The following CNTRL variants were observed in gnomAD, a reference collection of about 807,000 sequenced individuals.
CNTRL encodes the protein centriolin.
In CNTRL, 233 loss-of-function variants were observed where a neutral mutation model predicts 303.7. The ratio of observed to expected loss-of-function variants is 0.77; its 90% CI spans 0.69 to 0.86. The LOEUF is 0.86. Ranked by LOEUF, CNTRL falls within the 40% of genes least tolerant of loss-of-function variation. CNTRL has a pLI of 0.00. For missense variants in CNTRL, 2,524 were observed against 2,650.6 expected (o/e 0.95, Z 1.05); for synonymous variants, 900 against 922.2 (o/e 0.98, Z 0.44).
At chr9:121,154,137 G>T (rs779947519) in intron 26 of CNTRL, among the ~76,000 whole-genome samples, 1 of 152,144 alleles carries the variant, frequency 6.6e-6, no homozygotes, top group Non-Finnish European at 1.5e-5. Flanking sequence ...AAGATAATCT[G>T]TTAAATGTTG....
intron 30 of CNTRL, 80 bp downstream of exon 30, chr9:121,158,189 A>G: frequency 6.6e-7 from 1 of 1,504,044 alleles, no homozygotes; most frequent in Middle Eastern, 2.3e-4. Context: ...AATTGTAGAA[A>G]AGAATAAATG....
Position 121,156,926 on chromosome 9 carries a change from C to T in CNTRL, c.4366-544C>T, listed in dbSNP as rs561311998. On this transcript the variant is annotated intron_variant, in intron 27 of 43. Coordinates refer to ENST00000373855, the MANE Select transcript of CNTRL (RefSeq NM_007018.6). The stretch of plus-strand genomic sequence containing the variant: ...GCAAGAATTTCTGTGTGGAGGAAAT[C>T]TTGGTAAAATCACTTCCTTCCCACT... Among the ~76,000 whole-genome samples, 147 of 152,258 alleles carry T rather than the reference C, an allele frequency of 9.7e-4. 1 individual carries two copies. The highest frequency in any genetic ancestry group is 3.3e-3 in the South Asian group (16 of 4,826).
At chr9:121,166,230 C>T in intron 36 of CNTRL, 50 bp downstream of exon 36, 1 of 1,321,598 alleles carries the variant, frequency 7.6e-7, no homozygotes. Flanking sequence ...GGTATGCAGA[C>T]CATTGGTTTA....
At chr9:121,176,932 A>ATT (rs3838266) in intron 43 of CNTRL, among the ~76,000 whole-genome samples, 12 of 151,582 alleles carry the variant, frequency 7.9e-5, no homozygotes, top group South Asian at 2.1e-4. Flanking sequence ...GATGTTACAG[A>ATT]TTTTTTTTTA....
intron 8 of CNTRL, among the ~76,000 whole-genome samples, chr9:121,108,435 A>G (rs2049585981): frequency 6.6e-6 from 1 of 152,148 alleles, no homozygotes; most frequent in African/African-American, 2.4e-5. Flanking sequence ...AGACCTTAAG[A>G]CTTTCCACTA....
At chr9:121,159,862 A>G (rs1214742912) in intron 31 of CNTRL, among the ~76,000 whole-genome samples, 1 of 152,140 alleles carries the variant, frequency 6.6e-6, no homozygotes, top group Non-Finnish European at 1.5e-5. Flanking sequence ...GCCCCTCCAG[A>G]GCAGGAGCCA....
chr9:121,158,028 G>A lies in CNTRL; in HGVS notation c.4683G>A (p.Glu1561=), dbSNP rs930228906. 4 of 1,613,976 alleles carry A rather than the reference G, an allele frequency of 2.5e-6. No individual in the cohort carries two copies. Among genetic ancestry groups the A allele is most frequent in the Non-Finnish European group, 3.4e-6 (4 of 1,180,030 alleles). The change falls in exon 30 of 44, where the codon GAG becomes GAA. Residue 1561 remains glutamate, a synonymous_variant. Coordinates refer to ENST00000373855, the MANE Select transcript of CNTRL (RefSeq NM_007018.6). The part of the protein sequence containing the change: ...QKDIEMAERN[E]DHHLQVLKES... ...ACATAGAGATGGCAGAACGCAATGA[G>A]GATCACCACCTGCAGGTCCTTAAAG...
rs1299037062 is a variant in CNTRL, at chr9:121,164,419, T to C, written c.5424-524T>C. On this transcript the variant is annotated intron_variant, in intron 34 of 43. Coordinates refer to ENST00000373855, the MANE Select transcript of CNTRL (RefSeq NM_007018.6). Reference sequence around the variant, plus strand: ...CCCAAATTGTCTATCACCTGGTAAATAGATAAACAAATTGTGGTATATCCA... The same window carrying C: ...CCCAAATTGTCTATCACCTGGTAAACAGATAAACAAATTGTGGTATATCCA... Among the ~76,000 whole-genome samples, 6 of 152,162 alleles carry C rather than the reference T, an allele frequency of 3.9e-5. No homozygotes were observed. The East Asian group carries it at 7.7e-4, about 20-fold the overall frequency.
At chr9:121,153,714 A>AG (rs758035447) in intron 26 of CNTRL, among the ~76,000 whole-genome samples, 1 of 152,244 alleles carries the variant, frequency 6.6e-6, no homozygotes, top group African/African-American at 2.4e-5. Flanking sequence ...CTTTTGCAGT[A>AG]GTCCATGAAT....
rs569922426 is a variant in CNTRL, at chr9:121,141,234, G to T, written c.2484-147G>T. The T allele has an allele frequency of 6.6e-5, 42 of 631,722 alleles. No individual in the cohort carries two copies. The South Asian group carries it at 8.2e-4, about 12-fold the overall frequency. The allele number at this position is 631,722 out of a possible 1,614,324, so 39.1% of individuals were successfully genotyped here. ...GTCATTTGATAAAGCAATAATTTGC[G>T]CTTAGGAGATGGTCAGTAAATTGCT... is the stretch of plus-strand genomic sequence containing the variant. On this transcript the variant is annotated intron_variant, in intron 17 of 43. Coordinates refer to ENST00000373855, the MANE Select transcript of CNTRL (RefSeq NM_007018.6).
chr9:121,177,240 G>T lies in CNTRL; in HGVS notation c.*54G>T. ...AGGAAAACACCTCCACTACCTCACT[G>T]ACTTCATAATTGGAATGTCACATGG... On this transcript the variant is annotated 3_prime_UTR_variant, in exon 44 of 44. Coordinates refer to ENST00000373855, the MANE Select transcript of CNTRL (RefSeq NM_007018.6). 1 of 1,432,670 alleles carries T rather than the reference G, an allele frequency of 7.0e-7. No individual in the cohort carries two copies. Among genetic ancestry groups the T allele is most frequent in the Admixed American group, 1.8e-5 (1 of 55,410 alleles). The allele number at this position is 1,432,670 out of a possible 1,614,324, so 88.7% of individuals were successfully genotyped here.
chr9:121,123,308 G>A (rs1588164685), intron 12 of CNTRL, among the ~76,000 whole-genome samples: 2 of 152,200 alleles, frequency 1.3e-5, no homozygotes, highest in South Asian at 4.1e-4. Flanking sequence ...GGCTGGGCAC[G>A]GTGGCTCATG....
chr9:121,095,586 T>C (rs1000838033), intron 5 of CNTRL, among the ~76,000 whole-genome samples: 6 of 152,202 alleles, frequency 3.9e-5, no homozygotes, highest in African/African-American at 1.4e-4. Context: ...AATATCTGCA[T>C]GCTTTTCCCC....
chr9:121,172,398 T>C (rs373027936), intron 40 of CNTRL, among the ~76,000 whole-genome samples: 1 of 152,258 alleles, frequency 6.6e-6, no homozygotes, highest in Admixed American at 6.5e-5. Flanking sequence ...CCCAGCACTT[T>C]AGGAGGCCAA....
chr9:121,090,864 A>G (rs1213621212), intron 4 of CNTRL, among the ~76,000 whole-genome samples: 1 of 152,222 alleles, frequency 6.6e-6, no homozygotes, highest in Admixed American at 6.5e-5. Flanking sequence ...GGCAATTTAC[A>G]AAAGAAAGAG....
At chr9:121,151,659 G>A (rs1164391046) in intron 25 of CNTRL, among the ~76,000 whole-genome samples, 1 of 152,050 alleles carries the variant, frequency 6.6e-6, no homozygotes, top group Non-Finnish European at 1.5e-5. Context: ...CCAAAGTGCT[G>A]GGATTACAGG....
At chr9:121,095,070 G>A (rs1261863338) in intron 5 of CNTRL, 52 bp downstream of exon 5, 3 of 1,410,416 alleles carry the variant, frequency 2.1e-6, no homozygotes, top group South Asian at 1.3e-5. Context: ...CTTTGTTAGA[G>A]AGGTAGATTA....
At chr9:121,127,442 T>A (rs778716527) in intron 14 of CNTRL, among the ~76,000 whole-genome samples, 52 of 152,100 alleles carry the variant, frequency 3.4e-4, no homozygotes, top group Non-Finnish European at 5.3e-4. Context: ...CCACCAGCAA[T>A]GTGGGGGCTA....
chr9:121,081,305 G>A (rs2048131407), intron 2 of CNTRL, among the ~76,000 whole-genome samples: 1 of 152,198 alleles, frequency 6.6e-6, no homozygotes, highest in Non-Finnish European at 1.5e-5. Flanking sequence ...GTACCACACA[G>A]TACAATACTT....
Sources: allele counts gnomAD v4.1 joint callset (sites outside exome capture counted in the v4.1 genomes callset), GRCh38; gene constraint gnomAD v4.1.1; transcripts MANE v1.5; gene names NCBI Gene and HGNC (gene_info 2026-07-23, HGNC 2026-07-21).